The following CSMD1 variants were observed in gnomAD, a reference collection of about 807,000 sequenced individuals.
CSMD1 encodes the protein CUB and Sushi multiple domains 1.
Under a neutral mutation model 417.5 loss-of-function variants are expected in CSMD1, and 213 were observed. That is an observed-to-expected ratio of 0.51 (90% CI 0.46 to 0.57). The LOEUF is 0.57. Among genes scored for constraint, CSMD1 ranks in the 20% least tolerant of loss-of-function variants. CSMD1 has a pLI of 0.00. For synonymous variants in CSMD1, 2,862 were observed against 1,736.8 expected (o/e 1.65, Z -16.11); for missense variants, 6,923 against 4,529.7 (o/e 1.53, Z -15.17).
intron 2 of CSMD1, among the ~76,000 whole-genome samples, chr8:4,605,109 T>C (rs1418166240): frequency 6.6e-6 from 1 of 152,208 alleles, no homozygotes; most frequent in East Asian, 1.9e-4. Flanking sequence ...TACCAAAGTA[T>C]TTTAAAAATC....
intron 5 of CSMD1, among the ~76,000 whole-genome samples, chr8:3,987,652 A>C (rs1054554906): frequency 6.6e-6 from 1 of 152,218 alleles, no homozygotes; most frequent in East Asian, 1.9e-4. Context: ...CTGATAAAGC[A>C]GAAGAGACAG....
chr8:3,266,840 A>G (rs933616980), intron 26 of CSMD1, among the ~76,000 whole-genome samples: 1 of 151,768 alleles, frequency 6.6e-6, no homozygotes, highest in African/African-American at 2.4e-5. Flanking sequence ...CATGGTATTT[A>G]TGACAGTGAC....
At chr8:3,215,172 T>C (rs1364901464) in intron 29 of CSMD1, among the ~76,000 whole-genome samples, 1 of 152,240 alleles carries the variant, frequency 6.6e-6, no homozygotes, top group Non-Finnish European at 1.5e-5. Flanking sequence ...TCCTGAAAGT[T>C]AAGAGCACTT....
intron 10 of CSMD1, among the ~76,000 whole-genome samples, chr8:3,543,808 C>G (rs1008864011): frequency 6.6e-6 from 1 of 152,044 alleles, no homozygotes; most frequent in African/African-American, 2.4e-5. Flanking sequence ...AGTTCAGAGT[C>G]TGAATAGGAA....
At chr8:2,975,834 A>T (rs1269883037) in intron 55 of CSMD1, among the ~76,000 whole-genome samples, 1 of 152,190 alleles carries the variant, frequency 6.6e-6, no homozygotes, top group African/African-American at 2.4e-5. Flanking sequence ...TAATGACACC[A>T]AGCGGAGTGA....
intron 8 of CSMD1, among the ~76,000 whole-genome samples, chr8:3,611,031 A>G (rs918833736): frequency 7.3e-6 from 1 of 136,966 alleles, no homozygotes. Flanking sequence ...GAACTGAACA[A>G]TGAGAACACA....
chr8:4,337,203 G>A (rs778543153), intron 3 of CSMD1, among the ~76,000 whole-genome samples: 1 of 152,186 alleles, frequency 6.6e-6, no homozygotes, highest in South Asian at 2.1e-4. Flanking sequence ...CAAAAGGGGA[G>A]ACTTTCAATC....
At chr8:3,510,746 T>A (rs1797030230) in intron 10 of CSMD1, among the ~76,000 whole-genome samples, 1 of 151,890 alleles carries the variant, frequency 6.6e-6, no homozygotes, top group Non-Finnish European at 1.5e-5. Flanking sequence ...GATTTGCATT[T>A]CTGTAATGAC....
At chr8:4,712,680 A>C (rs1045864389) in intron 1 of CSMD1, among the ~76,000 whole-genome samples, 3 of 152,198 alleles carry the variant, frequency 2.0e-5, no homozygotes, top group African/African-American at 7.2e-5. Flanking sequence ...ACATTTCACA[A>C]ATAGATAATA....
intron 1 of CSMD1, among the ~76,000 whole-genome samples, chr8:4,725,028 A>C (rs1017447017): frequency 1.3e-4 from 20 of 152,118 alleles, no homozygotes; most frequent in Non-Finnish European, 2.1e-4. Context: ...TTAAATATTT[A>C]TACTTTTGCT....
chr8:3,679,983 C>T (rs971813932), intron 7 of CSMD1, among the ~76,000 whole-genome samples: 5 of 152,042 alleles, frequency 3.3e-5, no homozygotes, highest in African/African-American at 4.8e-5. Context: ...TTCTTTGAAA[C>T]CAACGAGAAC....
At chr8:4,438,259 C>T (rs944823397) in intron 2 of CSMD1, among the ~76,000 whole-genome samples, 3 of 152,194 alleles carry the variant, frequency 2.0e-5, no homozygotes, top group African/African-American at 7.2e-5. Flanking sequence ...GAGTGCAGTT[C>T]TTTAAGGTTG....
intron 3 of CSMD1, among the ~76,000 whole-genome samples, chr8:4,111,465 C>A (rs1444615221): frequency 6.6e-6 from 1 of 152,094 alleles, no homozygotes; most frequent in African/African-American, 2.4e-5. Flanking sequence ...AAAGCACATG[C>A]ACGAGTATGT....
chr8:3,365,494 C>T (rs765010665), intron 20 of CSMD1, among the ~76,000 whole-genome samples: 2 of 152,130 alleles, frequency 1.3e-5, no homozygotes, highest in African/African-American at 4.8e-5. Flanking sequence ...TGGGTTTGAA[C>T]TACTTGAATC....
At chr8:4,379,554 G>A (rs990595905) in intron 3 of CSMD1, among the ~76,000 whole-genome samples, 5 of 152,168 alleles carry the variant, frequency 3.3e-5, no homozygotes, top group Admixed American at 2.0e-4. Context: ...TATTATTTTT[G>A]CAATTTTGTG....
chr8:4,441,760 C>G (rs1362273759), intron 2 of CSMD1, among the ~76,000 whole-genome samples: 1 of 152,004 alleles, frequency 6.6e-6, no homozygotes, highest in South Asian at 2.1e-4. Flanking sequence ...CATTGCAGTC[C>G]ATTTGACTGA....
intron 5 of CSMD1, among the ~76,000 whole-genome samples, chr8:3,827,446 T>A (rs1188915023): frequency 1.3e-5 from 2 of 152,172 alleles, no homozygotes; most frequent in Non-Finnish European, 2.9e-5. Context: ...AAGCAAATAT[T>A]TTAATAGTGC....
At chr8:4,747,469 G>C (rs970064150) in intron 1 of CSMD1, among the ~76,000 whole-genome samples, 1 of 152,138 alleles carries the variant, frequency 6.6e-6, no homozygotes, top group Admixed American at 6.5e-5. Flanking sequence ...GCAGGAAAGA[G>C]AAGAGAAAAT....
intron 5 of CSMD1, among the ~76,000 whole-genome samples, chr8:3,936,792 T>G (rs1372808674): frequency 1.3e-5 from 2 of 152,152 alleles, no homozygotes; most frequent in South Asian, 2.1e-4. Context: ...TTTCAATTAT[T>G]GTTATTTAAG....
Sources: gnomAD v4.1 joint callset for allele counts (sites outside exome capture counted in the v4.1 genomes callset) on GRCh38, gnomAD v4.1.1 for gene constraint, MANE v1.5 for transcripts, NCBI Gene and HGNC (gene_info 2026-07-23, HGNC 2026-07-21) for gene names.